FLT4: variants seen among roughly 807,000 people sequenced by gnomAD.
The protein encoded by FLT4 is fms related receptor tyrosine kinase 4, also known as vascular endothelial growth factor receptor 3.
In FLT4, 30 loss-of-function variants were observed where a neutral mutation model predicts 163.2. The observed-to-expected ratio is 0.18, with a 90% CI of 0.14 to 0.25. The LOEUF is 0.25. FLT4 is among the 10% of genes least tolerant of loss of function. The pLI is 1.00. For missense variants in FLT4, 1,510 were observed against 1,863.8 expected, an observed-to-expected ratio of 0.81 and a Z score of 3.50; for synonymous variants, 884 against 789.5, an observed-to-expected ratio of 1.12 and a Z score of -2.01.
intron 29 of FLT4, among the ~76,000 whole-genome samples, chr5:180,605,920 G>A (rs558231278): frequency 2.7e-4 from 41 of 152,320 alleles, no homozygotes; most frequent in African/African-American, 9.6e-4. Context: ...GTGAGGAGGT[G>A]AACCCCCATG....
chr5:180,621,431 C>A (rs1456221790), intron 13 of FLT4, 111 bp downstream of exon 13: 3 of 1,490,578 alleles, frequency 2.0e-6, no homozygotes, highest in Non-Finnish European at 2.7e-6. Flanking sequence ...GTAGCTCCTG[C>A]AGGCCAGGGC....
intron 8 of FLT4, among the ~76,000 whole-genome samples, chr5:180,626,716 T>TA (rs1389250542): frequency 6.6e-6 from 1 of 152,192 alleles, no homozygotes. Context: ...TCCTCTTTCT[T>TA]AGACACCTGA....
At chr5:180,622,359 G>C (rs1205843308) in intron 12 of FLT4, among the ~76,000 whole-genome samples, 1 of 151,798 alleles carries the variant, frequency 6.6e-6, no homozygotes, top group East Asian at 1.9e-4. Flanking sequence ...GCTCTCCTGA[G>C]GTCACTACCA....
At position 180,620,116 on chromosome 5, in the gene FLT4, C is replaced by A; in HGVS notation, c.2542+57G>T. The A allele has an allele frequency of 1.3e-6, 2 of 1,577,660 alleles. No homozygotes were observed. The highest frequency in any genetic ancestry group is 1.7e-6 in the Non-Finnish European group (2 of 1,164,618). On this transcript the variant is annotated intron_variant, in intron 17 of 29. Coordinates refer to ENST00000261937, the MANE Select transcript of FLT4 (RefSeq NM_182925.5). The surrounding 1 kb of genome is among the most constrained non-coding windows in gnomAD (Gnocchi z 4.4). ...AATGGAGGGATTCAGGCACTCCGGCCTGCAGCAGGTGGGTCGGGCAGGAGG... is the reference window on the plus strand; with the variant it reads ...AATGGAGGGATTCAGGCACTCCGGCATGCAGCAGGTGGGTCGGGCAGGAGG...
chr5:180,620,825 G>A lies in FLT4; in HGVS notation c.2299+51C>T. On this transcript the variant is annotated intron_variant, in intron 15 of 29. Transcript: ENST00000261937. The surrounding 1 kb of genome is among the most constrained non-coding windows in gnomAD (Gnocchi z 4.4). ...ACTTGCCCAAGGTGGCCACAAGAAA[G>A]CGTTAACTGGGGACGGGAAGGGAGT... 1 of 1,609,534 alleles carries A rather than the reference G, an allele frequency of 6.2e-7. No individual in the cohort carries two copies.
chr5:180,624,227 G>GT lies in FLT4; in HGVS notation c.1422-167dup, dbSNP rs397737232. On this transcript the variant is annotated intron_variant, in intron 10 of 29. Coordinates refer to ENST00000261937, the MANE Select transcript of FLT4 (RefSeq NM_182925.5). The stretch of plus-strand genomic sequence containing the variant: ...AGGGAGATGGGAAGGGGACTTTGGT[G>GT]TTTTTTTTTTTTTTTTGAGACGGAG... 0.11 allele frequency among the ~76,000 whole-genome samples: 15,290 copies of GT among 135,000 alleles called. 1,622 individuals carry two copies. Among genetic ancestry groups the GT allele is most frequent in the East Asian group, 0.31 (1,384 of 4,426 alleles). The allele number at this position is 135,000 out of a possible 152,430, so 88.6% of individuals were successfully genotyped here.
At chr5:180,617,927 T>C (rs1762792799) in intron 21 of FLT4, among the ~76,000 whole-genome samples, 1 of 47,856 alleles carries the variant, frequency 2.1e-5, no homozygotes, top group Admixed American at 1.7e-4. Context: ...CACGTCCTAC[T>C]CCCAGAGCAC....
At chr5:180,642,206 G>GA (rs56315811) in intron 1 of FLT4, among the ~76,000 whole-genome samples, 8,070 of 132,100 alleles carry the variant, frequency 0.061, 302 homozygotes, top group Non-Finnish European at 0.09. Flanking sequence ...GACTCTGTGT[G>GA]AAAAAAAAAA....
chr5:180,633,003 C>G (rs553990299), intron 1 of FLT4, among the ~76,000 whole-genome samples: 52 of 152,024 alleles, frequency 3.4e-4, no homozygotes, highest in African/African-American at 1.2e-3. Context: ...AGGCCCCTCC[C>G]GTCCAACACG....
At chr5:180,618,709 G>A in intron 21 of FLT4, 61 bp downstream of exon 21, 1 of 1,095,716 alleles carries the variant, frequency 9.1e-7, no homozygotes, top group Non-Finnish European at 1.3e-6. Flanking sequence ...TGGGGTGCCT[G>A]ATCACGGGAT....
chr5:180,619,196 G>A (rs1032844754), intron 19 of FLT4, 57 bp downstream of exon 19: 4 of 1,352,522 alleles, frequency 3.0e-6, no homozygotes, highest in Non-Finnish European at 3.8e-6. Flanking sequence ...GCCCCCTCCC[G>A]CCCGCGGCGC....
rs181718849 is a variant in FLT4, at chr5:180,610,492, G to C, written c.3687-467C>G. ...TAGCCCTGCCGTATGCTAGGGCAGA[G>C]GGACAGGACGCAGAGCCTGCATCTC... is the stretch of plus-strand genomic sequence containing the variant. On this transcript the variant is annotated intron_variant, in intron 27 of 29. Transcript: ENST00000261937. 1.1e-4 allele frequency among the ~76,000 whole-genome samples: 16 copies of C among 152,376 alleles called. No individual in the cohort carries two copies. The East Asian group carries it at 2.9e-3, about 28-fold the overall frequency.
Position 180,618,473 on chromosome 5 carries a change from C to T in FLT4, c.3001+297G>A, listed in dbSNP as rs184155798. On this transcript the variant is annotated intron_variant, in intron 21 of 29. Transcript: ENST00000261937. ...TGCCCCTCAGCCTCTGGGACACCCA[C>T]GTCCTACTCCCAGAGCAGTAAATAC... Among the ~76,000 whole-genome samples the T allele has an allele frequency of 5.9e-4, 89 of 151,952 alleles. 1 individual carries two copies. The highest frequency in any genetic ancestry group is 2.0e-3 in the African/African-American group (84 of 41,304).
intron 7 of FLT4, 96 bp from the exon 8 acceptor site, chr5:180,629,095 C>T (rs1763879934): frequency 4.9e-6 from 7 of 1,439,986 alleles, no homozygotes; most frequent in Non-Finnish European, 6.8e-6. Context: ...GGCAGCCGGA[C>T]ATCCGCAGAC....
At position 180,620,812 on chromosome 5, in the gene FLT4, T is replaced by C. The variant is rs1296934933; in HGVS notation, c.2299+64A>G. The C allele has an allele frequency of 2.4e-5, 38 of 1,608,106 alleles. No homozygotes were observed. In the Middle Eastern group the frequency reaches 5.6e-4, roughly 24 times the overall value. On this transcript the variant is annotated intron_variant, in intron 15 of 29. Transcript: ENST00000261937. This position sits in a 1 kb window ranked among gnomAD's most constrained non-coding sequence, Gnocchi z 4.4. The stretch of plus-strand genomic sequence containing the variant: ...TCTGGTGGCCACGACTTGCCCAAGG[T>C]GGCCACAAGAAAGCGTTAACTGGGG...
rs748445442 is a variant in FLT4, at chr5:180,602,723, G to T, written c.*469C>A. 57 of 451,166 alleles carry T rather than the reference G, an allele frequency of 1.3e-4. No homozygotes were observed. Among genetic ancestry groups the T allele is most frequent in the Non-Finnish European group, 2.1e-4 (55 of 257,674 alleles). The allele number at this position is 451,166 out of a possible 1,614,324, so 27.9% of individuals were successfully genotyped here. ...GGGTGGGTGAGGCCAGCCAGCCCTCGTGGGGAGAGTAGCTGTGTGCCTGAG... is the reference window on the plus strand; with the variant it reads ...GGGTGGGTGAGGCCAGCCAGCCCTCTTGGGGAGAGTAGCTGTGTGCCTGAG... On this transcript the variant is annotated 3_prime_UTR_variant, in exon 30 of 30. Coordinates refer to ENST00000261937, the MANE Select transcript of FLT4 (RefSeq NM_182925.5).
chr5:180,615,107 C>G (rs1223818304), intron 23 of FLT4, among the ~76,000 whole-genome samples: 2 of 152,170 alleles, frequency 1.3e-5, no homozygotes, highest in Non-Finnish European at 2.9e-5. Flanking sequence ...GGGGCAAAGA[C>G]AAGCTCCAAT....
chr5:180,632,036 C>T (rs892237064), intron 1 of FLT4, among the ~76,000 whole-genome samples: 2 of 152,178 alleles, frequency 1.3e-5, no homozygotes, highest in African/African-American at 4.8e-5. Flanking sequence ...AGCTACACAC[C>T]GGCCCTGGAC....
rs2127814046 is a variant in FLT4 at position 180,620,984 on chromosome 5, G to A, written c.2191C>T (p.Gln731Ter). 6.2e-7 allele frequency: 1 copy of A among 1,611,418 alleles called. No homozygotes were observed. The highest frequency in any genetic ancestry group is 8.5e-7 in the Non-Finnish European group (1 of 1,179,088). Reference protein sequence around the residue: ...KSGVDLADSNQKLSIQRVREE... With the variant: ...KSGVDLADSN ...CGCACGCGCTGGATGCTCAGCTTCT[G>A]GTTGGAGTCCGCCAAGTCGACTCCT... Residue 731 changes from glutamine (Q) to a stop codon, truncating the protein, a stop_gained, in exon 15 of 30, where the codon CAG becomes TAG. Transcript: ENST00000261937. LOFTEE classifies it high-confidence loss of function. This position sits in a 1 kb window ranked among gnomAD's most constrained non-coding sequence, Gnocchi z 4.4.
Sources: allele counts gnomAD v4.1 joint callset (sites outside exome capture counted in the v4.1 genomes callset), GRCh38; gene constraint gnomAD v4.1.1; non-coding constraint Gnocchi (gnomAD v3.1); transcripts MANE v1.5; gene names NCBI Gene and HGNC (gene_info 2026-07-23, HGNC 2026-07-21).